The following OTOG variants were observed in gnomAD, a reference collection of about 807,000 sequenced individuals.
OTOG encodes otogelin.
OTOG carries 296 observed loss-of-function variants against 313.8 expected under a neutral mutation model. That is an observed-to-expected ratio of 0.94 (90% CI 0.86 to 1.04). OTOG has a LOEUF of 1.04. Among genes scored for constraint, OTOG ranks in the 50% least tolerant of loss-of-function variants. The pLI, the probability that OTOG is intolerant of heterozygous loss-of-function variation, is 0.00. For missense variants in OTOG, 3,948 were observed against 3,840.1 expected (o/e 1.03, Z -0.74); for synonymous variants, 1,533 against 1,554.9 (o/e 0.99, Z 0.33).
At chr11:17,553,716 A>G (rs1851996443) in intron 6 of OTOG, among the ~76,000 whole-genome samples, 197 bp downstream of exon 6, 1 of 152,186 alleles carries the variant, frequency 6.6e-6, no homozygotes, top group Non-Finnish European at 1.5e-5. Context: ...CACCCTGGCC[A>G]TTCATTTATT....
Position 17,602,283 on chromosome 11 carries a change from C to T in OTOG, c.3783C>T (p.Gly1261=), listed in dbSNP as rs1236052929. 1.0e-5 allele frequency: 16 copies of T among 1,550,478 alleles called. No homozygotes were observed. Among genetic ancestry groups the T allele is most frequent in the African/African-American group, 9.6e-5 (7 of 73,040 alleles). ...CTCTGGTGGGCATGAAGGCGGTGGG[C>T]GATGACATAGTCCTAGTGAGGACAG... is the stretch of plus-strand genomic sequence containing the variant. The part of the protein sequence containing the change: ...GGALVGMKAV[G]DDIVLVRTED... Residue 1261 remains glycine (G), a synonymous_variant, in exon 32 of 56, where the codon GGC becomes GGT. Coordinates refer to ENST00000399397, the MANE Select transcript of OTOG (RefSeq NM_001292063.2).
intron 32 of OTOG, among the ~76,000 whole-genome samples, chr11:17,605,236 T>C (rs1476545350): frequency 6.6e-6 from 1 of 152,174 alleles, no homozygotes; most frequent in Non-Finnish European, 1.5e-5. Flanking sequence ...GCCCTAGAAC[T>C]GGGCAGTTAT....
intron 34 of OTOG, 84 bp from the exon 35 acceptor site, chr11:17,609,046 A>G (rs775709226): frequency 1.8e-5 from 20 of 1,090,810 alleles, no homozygotes; most frequent in Admixed American, 4.3e-5. Flanking sequence ...ATAAGAAAGG[A>G]TAAGGCCTGT....
In OTOG at chr11:17,639,449, C is replaced by G. The variant is rs1346596126; in HGVS notation, c.7921C>G (p.Pro2641Ala). 6.4e-7 allele frequency: 1 copy of G among 1,550,576 alleles called. No individual in the cohort carries two copies. Among genetic ancestry groups the G allele is most frequent in the African/African-American group, 1.4e-5 (1 of 73,024 alleles). The change falls in exon 49 of 56, where the codon CCC (proline) becomes GCC (alanine). Residue 2641 changes from proline to alanine, a missense_variant. Transcript: ENST00000399397. ...ATGTGACTGTGACACAATCCCGGTGCCCCGGTGCCATCTGGTATGGAGACG... is the reference window on the plus strand; with the variant it reads ...ATGTGACTGTGACACAATCCCGGTGGCCCGGTGCCATCTGGTATGGAGACG... The part of the protein sequence containing the change: ...CECDCDTIPV[P>A]RCHLWEKSQL...
rs988346459 is a variant in OTOG, at chr11:17,612,275, G to A, written c.6237G>A (p.Leu2079=). The A allele has an allele frequency of 3.2e-6, 5 of 1,544,328 alleles. No individual in the cohort carries two copies. The highest frequency in any genetic ancestry group is 4.4e-6 in the Non-Finnish European group (5 of 1,146,886). ...QGAAPPRCGI[L]GLAVRVGGDR... ...CTGCTCCCCCTCGCTGTGGGATCCTGGGCCTCGCCGTGCGGGTGGGTGGGG... is the reference window on the plus strand; with the variant it reads ...CTGCTCCCCCTCGCTGTGGGATCCTAGGCCTCGCCGTGCGGGTGGGTGGGG... The change falls in exon 37 of 56, where the codon CTG becomes CTA. Residue 2079 remains leucine, a synonymous_variant. Transcript: ENST00000399397.
chr11:17,570,465 C>T, intron 17 of OTOG, 75 bp downstream of exon 17: 1 of 1,378,894 alleles, frequency 7.3e-7, no homozygotes, highest in South Asian at 1.3e-5. Context: ...GAGGCACTGC[C>T]TAAATGTCTC....
chr11:17,642,605 G>A (rs1427789815), intron 53 of OTOG, among the ~76,000 whole-genome samples: 1 of 152,022 alleles, frequency 6.6e-6, no homozygotes, highest in Non-Finnish European at 1.5e-5. Context: ...ACACCTCAAG[G>A]CACTCACATA....
chr11:17,629,619 C>T (rs2133700151), intron 40 of OTOG, among the ~76,000 whole-genome samples: 1 of 152,284 alleles, frequency 6.6e-6, no homozygotes, highest in African/African-American at 2.4e-5. Flanking sequence ...GGGCATTTCA[C>T]AAAGTACTTC....
At position 17,610,115 on chromosome 11, in the gene OTOG, C is replaced by A. The variant is rs979067855; in HGVS notation, c.4815C>A (p.Ser1605=). The A allele has an allele frequency of 1.3e-6, 2 of 1,550,496 alleles. No homozygotes were observed. The highest frequency in any genetic ancestry group is 2.7e-5 in the African/African-American group (2 of 73,008). The change falls in exon 36 of 56, where the codon TCC becomes TCA. Residue 1605 remains serine (S), a synonymous_variant. Coordinates refer to ENST00000399397, the MANE Select transcript of OTOG (RefSeq NM_001292063.2). ...FAGSPNITVS[S]RSPPAPRFPL... is the part of the protein sequence containing the mutation. ...GAAGCCCTAACATCACAGTCTCCTC[C>A]CGGTCGCCCCCTGCCCCTCGCTTCC... is the stretch of plus-strand genomic sequence containing the variant.
intron 33 of OTOG, among the ~76,000 whole-genome samples, chr11:17,606,934 G>A (rs1414073024): frequency 1.3e-5 from 2 of 152,198 alleles, no homozygotes; most frequent in African/African-American, 4.8e-5. Context: ...ATGATGACAA[G>A]ACTTGCTCAT....
chr11:17,559,195 T>C, intron 11 of OTOG, 34 bp downstream of exon 11: 1 of 1,464,536 alleles, frequency 6.8e-7, no homozygotes, highest in Non-Finnish European at 9.2e-7. Flanking sequence ...CAGGGAGGCC[T>C]TCAGGCTGTG....
intron 34 of OTOG, 139 bp downstream of exon 34, chr11:17,608,552 A>G (rs1590038978): frequency 1.7e-6 from 1 of 594,568 alleles, no homozygotes; most frequent in Non-Finnish European, 2.8e-6. Context: ...GTCTTTCCGT[A>G]TATGCACATA....
At chr11:17,553,007 G>A (rs891543009) in intron 4 of OTOG, 112 bp from the exon 5 acceptor site, 1 of 920,844 alleles carries the variant, frequency 1.1e-6, no homozygotes, top group Non-Finnish European at 1.7e-6. Context: ...GAATGTTGGG[G>A]CTGGGGCTGC....
intron 40 of OTOG, among the ~76,000 whole-genome samples, chr11:17,629,912 C>T (rs996688118): frequency 2.6e-5 from 4 of 152,122 alleles, no homozygotes; most frequent in African/African-American, 9.7e-5. Flanking sequence ...AGCACATGGA[C>T]ACTCATGGGG....
chr11:17,558,327 G>A lies in OTOG; in HGVS notation c.996+12G>A. 1 of 1,550,374 alleles carries A rather than the reference G, an allele frequency of 6.5e-7. No homozygotes were observed. The highest frequency in any genetic ancestry group is 8.7e-7 in the Non-Finnish European group (1 of 1,146,774). On this transcript the variant is annotated intron_variant, in intron 9 of 55. Coordinates refer to ENST00000399397, the MANE Select transcript of OTOG (RefSeq NM_001292063.2). The stretch of plus-strand genomic sequence containing the variant: ...CAGGAACCATGCAGGTCTGGAGCTT[G>A]GGGAGAAACTCCCCTACCCTAGAGC...
At chr11:17,570,049 A>C (rs752319093) in intron 16 of OTOG, among the ~76,000 whole-genome samples, 164 bp from the exon 17 acceptor site, 5 of 152,192 alleles carry the variant, frequency 3.3e-5, no homozygotes, top group Non-Finnish European at 7.3e-5. Flanking sequence ...GGTTTCCTCA[A>C]GCCTCCCCAT....
At chr11:17,624,974 T>TGCGGCGTTTCCCCCGCATATCTA (rs1853950586) in intron 39 of OTOG, among the ~76,000 whole-genome samples, 1 of 152,188 alleles carries the variant, frequency 6.6e-6, no homozygotes. Flanking sequence ...TGTTGGTATA[T>TGCGGCGTTTCCCCCGCATATCTA]AGGAATACTA....
chr11:17,602,176 G>A, intron 31 of OTOG, 34 bp from the exon 32 acceptor site: 1 of 1,547,532 alleles, frequency 6.5e-7, no homozygotes, highest in Non-Finnish European at 8.7e-7. Context: ...GCAGGCCATG[G>A]GGCCAGGTTG....
Position 17,639,526 on chromosome 11 carries a change from C to T in OTOG, c.7935+63C>T. On this transcript the variant is annotated intron_variant, in intron 49 of 55. Coordinates refer to ENST00000399397, the MANE Select transcript of OTOG (RefSeq NM_001292063.2). ...CTCCCCTTTCCTTTCCTCTCTATCCCCTCCTCTAGAGAATCTGCTCCTTTA... is the reference window on the plus strand; with the variant it reads ...CTCCCCTTTCCTTTCCTCTCTATCCTCTCCTCTAGAGAATCTGCTCCTTTA... 4 of 1,490,806 alleles carry T rather than the reference C, an allele frequency of 2.7e-6. No homozygotes were observed. In the South Asian group the frequency reaches 4.8e-5, roughly 18 times the overall value. The allele number at this position is 1,490,806 out of a possible 1,614,324, so 92.3% of individuals were successfully genotyped here.
Sources: allele counts gnomAD v4.1 joint callset (sites outside exome capture counted in the v4.1 genomes callset), GRCh38; gene constraint gnomAD v4.1.1; transcripts MANE v1.5; gene names NCBI Gene and HGNC (gene_info 2026-07-23, HGNC 2026-07-21).